The following ARMH4 variants were observed in gnomAD, a reference collection of about 807,000 sequenced individuals.
The protein encoded by ARMH4 is armadillo-like helical domain-containing protein 4.
Under a neutral mutation model 61.9 loss-of-function variants are expected in ARMH4, and 49 were observed. The observed-to-expected ratio is 0.79, with a 90% confidence interval of 0.63 to 1.00. The LOEUF is 1.00. ARMH4 is among the 50% of genes least tolerant of loss of function. ARMH4 has a pLI of 0.00. For synonymous variants in ARMH4, 368 were observed against 341.5 expected, an observed-to-expected ratio of 1.08 and a Z score of -0.85; for missense variants, 934 against 930.0, an observed-to-expected ratio of 1.00 and a Z score of -0.06.
rs551194871 is a variant in ARMH4, at chr14:58,059,085, C to A, written c.2089+37639G>T. Among the ~76,000 whole-genome samples, 16 of 152,300 alleles carry A rather than the reference C, an allele frequency of 1.1e-4. No individual in the cohort carries two copies. The South Asian group carries it at 3.1e-3, about 30-fold the overall frequency. On this transcript the variant is annotated intron_variant, in intron 5 of 7. Coordinates refer to ENST00000267485, the MANE Select transcript of ARMH4 (RefSeq NM_001001872.4). ...ATGATAAGAATCTTTAAATGCTGAA[C>A]CATGCGGTAGACAGAGGTAGAAAGA...
intron 5 of ARMH4, among the ~76,000 whole-genome samples, chr14:58,028,940 T>C (rs758114744): frequency 7.9e-5 from 12 of 152,338 alleles, no homozygotes; most frequent in East Asian, 1.9e-4. Flanking sequence ...TAACATAAAA[T>C]TGACCATTTT....
chr14:58,121,091 A>G (rs1309166637), intron 4 of ARMH4, among the ~76,000 whole-genome samples: 1 of 152,120 alleles, frequency 6.6e-6, no homozygotes, highest in Non-Finnish European at 1.5e-5. Context: ...CCTCACTTAT[A>G]TGTTGCATTT....
chr14:58,142,256 A>T (rs1462797471), intron 1 of ARMH4, among the ~76,000 whole-genome samples: 1 of 152,174 alleles, frequency 6.6e-6, no homozygotes, highest in Non-Finnish European at 1.5e-5. Flanking sequence ...TAAGCAAATG[A>T]TGTGCACATG....
intron 5 of ARMH4, among the ~76,000 whole-genome samples, chr14:58,081,722 G>A (rs1234198977): frequency 6.6e-6 from 1 of 151,876 alleles, no homozygotes; most frequent in African/African-American, 2.4e-5. Context: ...TAGCCAGGAT[G>A]GTCTCAATCT....
intron 5 of ARMH4, among the ~76,000 whole-genome samples, chr14:58,023,345 C>T (rs1882913534): frequency 6.6e-6 from 1 of 152,128 alleles, no homozygotes. Context: ...CAACACTGTT[C>T]ACACCAGGAG....
chr14:58,004,865 AG>A, intron 7 of ARMH4, 61 bp from the exon 8 acceptor site: 1 of 1,557,178 alleles, frequency 6.4e-7, no homozygotes, highest in East Asian at 2.3e-5. Flanking sequence ...GCTGAGAAAC[AG>A]GCCCACTTTA....
chr14:58,133,053 AC>A (rs747341611), intron 3 of ARMH4, 36 bp downstream of exon 3: 1 of 1,607,948 alleles, frequency 6.2e-7, no homozygotes, highest in Non-Finnish European at 8.5e-7. Context: ...GAAGAGATCC[AC>A]CCCCAAAACA....
intron 6 of ARMH4, among the ~76,000 whole-genome samples, chr14:58,011,782 A>AAAAAAAC (rs71107903): frequency 6.8e-6 from 1 of 146,516 alleles, no homozygotes; most frequent in Non-Finnish European, 1.5e-5. Flanking sequence ...AAAAAAAAAA[A>AAAAAAAC]CAGATGGAAT....
intron 5 of ARMH4, among the ~76,000 whole-genome samples, chr14:58,013,010 A>G (rs1313383832): frequency 6.6e-6 from 1 of 152,252 alleles, no homozygotes; most frequent in Non-Finnish European, 1.5e-5. Context: ...TAAAAGCATC[A>G]GACAGGAGGA....
At chr14:58,029,042 C>G (rs189020001) in intron 5 of ARMH4, among the ~76,000 whole-genome samples, 1 of 152,066 alleles carries the variant, frequency 6.6e-6, no homozygotes, top group African/African-American at 2.4e-5. Flanking sequence ...CAACACCCCC[C>G]CTCCAAATAC....
At chr14:58,052,524 G>A (rs1408980946) in intron 5 of ARMH4, among the ~76,000 whole-genome samples, 3 of 151,854 alleles carry the variant, frequency 2.0e-5, no homozygotes, top group South Asian at 2.1e-4. Context: ...TCCCTCAGTC[G>A]ACCACTCCCT....
At chr14:58,129,323 T>A (rs1229185012) in intron 4 of ARMH4, among the ~76,000 whole-genome samples, 1 of 152,194 alleles carries the variant, frequency 6.6e-6, no homozygotes, top group Non-Finnish European at 1.5e-5. Context: ...TCTTCTTTGG[T>A]GTCTAATGTC....
chr14:58,078,602 G>C (rs908015557), intron 5 of ARMH4, among the ~76,000 whole-genome samples: 1 of 152,202 alleles, frequency 6.6e-6, no homozygotes. Flanking sequence ...ATCTTGACTG[G>C]CCTAAGCCAG....
chr14:58,143,077 C>T (rs182590413), intron 1 of ARMH4, among the ~76,000 whole-genome samples: 32 of 152,282 alleles, frequency 2.1e-4, no homozygotes, highest in Admixed American at 6.5e-4. Flanking sequence ...AGACTTTGTG[C>T]CATAACCACA....
At chr14:58,150,518 G>A (rs984683425) in intron 1 of ARMH4, among the ~76,000 whole-genome samples, 1 of 151,950 alleles carries the variant, frequency 6.6e-6, no homozygotes, top group Admixed American at 6.6e-5. Flanking sequence ...ATTTAGCATC[G>A]AACCATTTCC....
chr14:58,107,374 C>A lies in ARMH4; in HGVS notation c.1832-10393G>T, dbSNP rs761599781. On this transcript the variant is annotated intron_variant, in intron 4 of 7. Transcript: ENST00000267485. Reference sequence around the variant, plus strand: ...TGGAATAGCAATGATTAGTTTGAATCATCATCTTTTGCCTATTTATTCATG... The same window carrying A: ...TGGAATAGCAATGATTAGTTTGAATAATCATCTTTTGCCTATTTATTCATG... Among the ~76,000 whole-genome samples, 29 of 152,316 alleles carry A rather than the reference C, an allele frequency of 1.9e-4. 1 individual carries two copies. The highest frequency in any genetic ancestry group is 2.9e-4 in the Non-Finnish European group (20 of 68,042).
chr14:58,139,169 G>A lies in ARMH4; in HGVS notation c.190C>T (p.Gln64Ter). The change falls in exon 2 of 8, where the codon CAG becomes TAG. Residue 64 changes from glutamine to a stop codon, truncating the protein, a stop_gained. Transcript: ENST00000267485. LOFTEE classifies it high-confidence loss of function. ...TCAGAGACCACCAGTTGGGGAGTCT[G>A]CTTTGAGGTAACAGAGCTATTTTCT... ...DLENSSVTSK[Q>*]TPQLVVSEDP... The A allele has an allele frequency of 6.2e-7, 1 of 1,614,218 alleles. No homozygotes were observed. Among genetic ancestry groups the A allele is most frequent in the Non-Finnish European group, 8.5e-7 (1 of 1,180,046 alleles).
At chr14:58,022,019 C>T (rs1882852761) in intron 5 of ARMH4, among the ~76,000 whole-genome samples, 1 of 152,148 alleles carries the variant, frequency 6.6e-6, no homozygotes, top group African/African-American at 2.4e-5. Context: ...AAGCAACACA[C>T]ATTTGTTATC....
chr14:58,103,773 C>A (rs1265455900), intron 4 of ARMH4, among the ~76,000 whole-genome samples: 1 of 151,956 alleles, frequency 6.6e-6, no homozygotes, highest in Non-Finnish European at 1.5e-5. Flanking sequence ...ATTTTTGAAG[C>A]ATTATAAAAT....
Sources: gnomAD v4.1 joint callset for allele counts (sites outside exome capture counted in the v4.1 genomes callset) on GRCh38, gnomAD v4.1.1 for gene constraint, MANE v1.5 for transcripts, NCBI Gene and HGNC (gene_info 2026-07-23, HGNC 2026-07-21) for gene names.